Variants in TRPM2 observed in about 807,000 individuals in gnomAD.
TRPM2 encodes the protein estrogen-responsive element-associated gene 1 protein.
In TRPM2, 161 loss-of-function variants were observed where a neutral mutation model predicts 174.0. That is an observed-to-expected ratio of 0.93 (90% CI 0.81 to 1.05). TRPM2 has a LOEUF of 1.05. TRPM2 is among the 50% of genes least tolerant of loss of function. The pLI is 0.00. For synonymous variants in TRPM2, 954 were observed against 861.3 expected, an observed-to-expected ratio of 1.11 and a Z score of -1.88; for missense variants, 2,057 against 2,038.0, an observed-to-expected ratio of 1.01 and a Z score of -0.18.
At position 44,406,457 on chromosome 21, in the gene TRPM2, C is replaced by A. The variant is rs574273048; in HGVS notation, c.2791-137C>A. On this transcript the variant is annotated intron_variant, in intron 18 of 31. Coordinates refer to ENST00000397928, the MANE Select transcript of TRPM2 (RefSeq NM_003307.4). ...CGAGGGTGTGGGGGCAGCCCCAGGACTGCTCCTGGGAGCCTCCTGCATGCC... is the reference window on the plus strand; with the variant it reads ...CGAGGGTGTGGGGGCAGCCCCAGGAATGCTCCTGGGAGCCTCCTGCATGCC... The A allele has an allele frequency of 6.4e-5, 69 of 1,078,668 alleles. No individual in the cohort carries two copies. In the African/African-American group the frequency reaches 1.0e-3, roughly 16 times the overall value. The allele number at this position is 1,078,668 out of a possible 1,614,324, so 66.8% of individuals were successfully genotyped here.
chr21:44,353,795 A>G lies in TRPM2; in HGVS notation c.95A>G (p.Asn32Ser), dbSNP rs753851270. ...RRVTDLGMVS[N>S]LRRSNSSLFK... ...GTCACTGACCTGGGGATGGTCTCCA[A>G]TCTCCGGCGCAGCAACAGCAGCCTC... Residue 32 changes from asparagine (N) to serine (S), a missense_variant, in exon 1 of 32, where the codon AAT (asparagine) becomes AGT (serine). Physicochemically the swap from Asn to Ser is conservative, Grantham distance 46 (BLOSUM62 1). Coordinates refer to ENST00000397928, the MANE Select transcript of TRPM2 (RefSeq NM_003307.4). 3 of 1,602,404 alleles carry G rather than the reference A, an allele frequency of 1.9e-6. No individual in the cohort carries two copies. The highest frequency in any genetic ancestry group is 2.6e-6 in the Non-Finnish European group (3 of 1,175,152).
Position 44,425,685 on chromosome 21 carries a change from C to T in TRPM2, c.3653C>T (p.Ala1218Val), listed in dbSNP as rs200807570. ...CTGTCCCCAGCCTCCCAGAAGGCCG[C>T]GGAGGAGCCGGATGCTGAGCCGGGA... ...DVPTLASQKA[A>V]EEPDAEPGGR... The change falls in exon 25 of 32, where the codon GCG becomes GTG. Residue 1218 changes from alanine (A) to valine (V), a missense_variant. Transcript: ENST00000397928. The T allele has an allele frequency of 5.4e-5, 83 of 1,535,754 alleles. No individual in the cohort carries two copies. Among genetic ancestry groups the T allele is most frequent in the Middle Eastern group, 2.3e-4 (1 of 4,310 alleles).
rs984262765 is a variant in TRPM2, at chr21:44,438,901, C to T, written c.4168-166C>T. The stretch of plus-strand genomic sequence containing the variant: ...GCCTCACAGATGCTGACGTGGACGG[C>T]GGGTTCTGGGCAATGTCACTGCAGC... On this transcript the variant is annotated intron_variant, in intron 29 of 31. Coordinates refer to ENST00000397928, the MANE Select transcript of TRPM2 (RefSeq NM_003307.4). This position sits in a 1 kb window ranked among gnomAD's most constrained non-coding sequence, Gnocchi z 5.9. 70 of 568,882 alleles carry T rather than the reference C, an allele frequency of 1.2e-4. 2 individuals are homozygous for T. The East Asian group carries it at 1.8e-3, about 15-fold the overall frequency. The allele number at this position is 568,882 out of a possible 1,614,324, so 35.2% of individuals were successfully genotyped here.
At chr21:44,406,560 G>C in intron 18 of TRPM2, 34 bp from the exon 19 acceptor site, 1 of 1,588,004 alleles carries the variant, frequency 6.3e-7, no homozygotes, top group East Asian at 2.2e-5. Context: ...TCGGGGGCCA[G>C]GAGAGTGTAG....
chr21:44,361,256 G>T (rs1351283403), intron 2 of TRPM2, among the ~76,000 whole-genome samples: 1 of 152,134 alleles, frequency 6.6e-6, no homozygotes, highest in Non-Finnish European at 1.5e-5. Flanking sequence ...GGGACTACAG[G>T]CATGCGCCAC....
At position 44,440,786 on chromosome 21, in the gene TRPM2, C is replaced by T. The variant is rs1394915548; in HGVS notation, c.4270-3C>T. 6.2e-7 allele frequency: 1 copy of T among 1,613,158 alleles called. No individual in the cohort carries two copies. Among genetic ancestry groups the T allele is most frequent in the Non-Finnish European group, 8.5e-7 (1 of 1,179,530 alleles). ...TCGGGCTTACCCTGCCCTGCCCATC[C>T]AGGTGTACAAAGGCTACATGGATGA... is the stretch of plus-strand genomic sequence containing the variant. On this transcript the variant is annotated splice_region_variant and splice_polypyrimidine_tract_variant and intron_variant, in intron 30 of 31. Transcript: ENST00000397928.
At chr21:44,433,441 C>T (rs1338098902) in intron 27 of TRPM2, among the ~76,000 whole-genome samples, 1 of 152,220 alleles carries the variant, frequency 6.6e-6, no homozygotes, top group East Asian at 1.9e-4. Context: ...CTGCCCAGTG[C>T]CGAATTTGTC....
At position 44,441,916 on chromosome 21, in the gene TRPM2, G is replaced by C; in HGVS notation, c.*99G>C. On this transcript the variant is annotated 3_prime_UTR_variant, in exon 32 of 32. Transcript: ENST00000397928. The stretch of plus-strand genomic sequence containing the variant: ...TGGCCAGGACTCAGGCTGTTCCTGG[G>C]CCCTGCACATGATGGGGTTTGGTGG... The C allele has an allele frequency of 7.0e-7, 1 of 1,424,192 alleles. No individual in the cohort carries two copies. The highest frequency in any genetic ancestry group is 9.2e-7 in the Non-Finnish European group (1 of 1,086,360). 88.2% of individuals were successfully genotyped at this position (1,424,192 alleles called of 1,614,324 possible).
At chr21:44,416,842 G>C in intron 20 of TRPM2, 1 of 189,388 alleles carries the variant, frequency 5.3e-6, no homozygotes, top group Non-Finnish European at 1.1e-5. Context: ...GGGCACGTGG[G>C]CATGGCTCTG....
intron 2 of TRPM2, 101 bp from the exon 3 acceptor site, chr21:44,364,012 GT>G (rs1446816056): frequency 2.3e-6 from 3 of 1,305,380 alleles, no homozygotes; most frequent in Non-Finnish European, 3.1e-6. Flanking sequence ...TTTTTGCTGG[GT>G]GGGGGAAGGT....
chr21:44,370,490 G>A (rs761860403), intron 5 of TRPM2, among the ~76,000 whole-genome samples: 1 of 152,218 alleles, frequency 6.6e-6, no homozygotes, highest in Non-Finnish European at 1.5e-5. Flanking sequence ...ACTAACTTTG[G>A]TATGATGCGT....
chr21:44,373,437 T>C (rs986974817), intron 5 of TRPM2, among the ~76,000 whole-genome samples: 1 of 152,220 alleles, frequency 6.6e-6, no homozygotes, highest in African/African-American at 2.4e-5. Context: ...TCCGCCCGCC[T>C]CGGCCCCCCA....
intron 3 of TRPM2, among the ~76,000 whole-genome samples, chr21:44,365,724 G>A (rs1007505071): frequency 2.6e-5 from 4 of 152,200 alleles, no homozygotes; most frequent in Admixed American, 2.0e-4. Flanking sequence ...GGGGCCGGTG[G>A]TGTGAGGGAG....
rs1305444907 is a variant in TRPM2 at position 44,375,927 on chromosome 21, A to G, written c.866A>G (p.Asp289Gly). The change falls in exon 6 of 32, where the codon GAC (aspartate) becomes GGC (glycine). Residue 289 changes from aspartate (D) to glycine (G), a missense_variant. Coordinates refer to ENST00000397928, the MANE Select transcript of TRPM2 (RefSeq NM_003307.4). ...CACTCTCACTTCATCCTCGTGGACGACGGGACCCACGGCCAGTACGGGGTG... is the reference window on the plus strand; with the variant it reads ...CACTCTCACTTCATCCTCGTGGACGGCGGGACCCACGGCCAGTACGGGGTG... The part of the protein sequence containing the change: ...SNHSHFILVD[D>G]GTHGQYGVEI... 6.2e-7 allele frequency: 1 copy of G among 1,614,090 alleles called. No homozygotes were observed. The highest frequency in any genetic ancestry group is 8.5e-7 in the Non-Finnish European group (1 of 1,180,008).
At chr21:44,410,304 C>CTTGG (rs199998055) in intron 19 of TRPM2, among the ~76,000 whole-genome samples, 319 of 30,642 alleles carry the variant, frequency 0.01, 59 homozygotes, top group Non-Finnish European at 0.015. Flanking sequence ...ACTGCACTGT[C>CTTGG]TTGGCGTAGC....
At chr21:44,350,163 T>C (rs1320376357), upstream of TRPM2, 6 of 151,982 alleles carry the variant, frequency 3.9e-5, no homozygotes, top group Non-Finnish European at 7.3e-5. Flanking sequence ...GCGGCTCCAC[T>C]GCACCGGGCA....
intron 16 of TRPM2, among the ~76,000 whole-genome samples, chr21:44,402,831 C>T (rs535399052): frequency 2.0e-4 from 30 of 152,278 alleles, no homozygotes; most frequent in East Asian, 7.7e-4. Context: ...ACCCTCAGGG[C>T]AGTGGTGAGG....
At chr21:44,423,857 T>A in intron 23 of TRPM2, 125 bp downstream of exon 23, 1 of 826,340 alleles carries the variant, frequency 1.2e-6, no homozygotes, top group Non-Finnish European at 1.9e-6. Flanking sequence ...GCCGGAACGT[T>A]GGGGCAGCCA....
rs781298765 is a variant in TRPM2 at position 44,400,402 on chromosome 21, T to TGGGGCTGC, written c.2321+43_2321+50dup. The TGGGGCTGC allele has an allele frequency of 2.6e-4, 417 of 1,584,710 alleles. 3 individuals carry two copies. In the African/African-American group the frequency reaches 5.0e-3, roughly 19 times the overall value. On this transcript the variant is annotated intron_variant, in intron 15 of 31. Coordinates refer to ENST00000397928, the MANE Select transcript of TRPM2 (RefSeq NM_003307.4). ...GCAGGGCTGCGGGGCTGCGGGACTG[T>TGGGGCTGC]GGGGCTGCGGGGCTGCGGGAGAGGC...
Sources: gnomAD v4.1 joint callset for allele counts (sites outside exome capture counted in the v4.1 genomes callset) on GRCh38, gnomAD v4.1.1 for gene constraint, Gnocchi (gnomAD v3.1) non-coding constraint, MANE v1.5 for transcripts, NCBI Gene and HGNC (gene_info 2026-07-23, HGNC 2026-07-21) for gene names.